The following CADM2 variants were observed in gnomAD, a reference collection of about 807,000 sequenced individuals.
CADM2 encodes the protein cell adhesion molecule 2.
CADM2 carries 12 observed loss-of-function variants against 49.8 expected under a neutral mutation model. The observed-to-expected ratio is 0.24, with a 90% CI of 0.15 to 0.39. The LOEUF (loss-of-function observed/expected upper bound fraction) is 0.39. CADM2 is among the 10% of genes least tolerant of loss of function. The pLI, the probability that CADM2 is intolerant of heterozygous loss-of-function variation, is 1.00. For synonymous variants in CADM2, 214 were observed against 175.4 expected (o/e 1.22, Z -1.74); for missense variants, 378 against 492.3 (o/e 0.77, Z 2.20).
intron 1 of CADM2, among the ~76,000 whole-genome samples, chr3:85,078,167 A>AT (rs2037020555): frequency 6.6e-6 from 1 of 151,900 alleles, no homozygotes; most frequent in South Asian, 2.1e-4. Flanking sequence ...AACTCTAAGA[A>AT]TTTTTGCATT....
chr3:85,472,487 G>A (rs1485269883), intron 1 of CADM2, among the ~76,000 whole-genome samples: 1 of 151,872 alleles, frequency 6.6e-6, no homozygotes, highest in Non-Finnish European at 1.5e-5. Flanking sequence ...TCTACTCTGT[G>A]TTCTCATATA....
chr3:85,648,397 C>T (rs1203959144), intron 1 of CADM2, among the ~76,000 whole-genome samples: 1 of 151,736 alleles, frequency 6.6e-6, no homozygotes, highest in Non-Finnish European at 1.5e-5. Flanking sequence ...TTAATTTGTT[C>T]TTGAAGGTTT....
At chr3:85,229,416 G>A (rs551946400) in intron 1 of CADM2, among the ~76,000 whole-genome samples, 4 of 152,286 alleles carry the variant, frequency 2.6e-5, no homozygotes, top group South Asian at 2.1e-4. Flanking sequence ...CTTCCTGGGT[G>A]AGGTGACAGC....
chr3:85,165,591 A>C (rs570359495), intron 1 of CADM2, among the ~76,000 whole-genome samples: 9 of 151,900 alleles, frequency 5.9e-5, no homozygotes, highest in Non-Finnish European at 8.8e-5. Context: ...AAATGGAAAT[A>C]GTAGAGGATC....
intron 1 of CADM2, among the ~76,000 whole-genome samples, chr3:85,610,364 C>A (rs961915186): frequency 4.0e-5 from 6 of 151,694 alleles, no homozygotes; most frequent in African/African-American, 1.5e-4. Flanking sequence ...AAAAATTATT[C>A]TTTTAAACAA....
chr3:85,011,067 T>A (rs1157532555), intron 1 of CADM2, among the ~76,000 whole-genome samples: 1 of 151,832 alleles, frequency 6.6e-6, no homozygotes, highest in Non-Finnish European at 1.5e-5. Flanking sequence ...GGTTTCACCG[T>A]GTTAGCCAGG....
At chr3:85,474,639 A>G (rs545843959) in intron 1 of CADM2, among the ~76,000 whole-genome samples, 1 of 152,062 alleles carries the variant, frequency 6.6e-6, no homozygotes, top group African/African-American at 2.4e-5. Context: ...TGTTTGAAAC[A>G]TGATTTATAT....
intron 7 of CADM2, among the ~76,000 whole-genome samples, chr3:85,958,242 A>G (rs903308422): frequency 3.9e-5 from 6 of 152,110 alleles, no homozygotes; most frequent in African/African-American, 1.2e-4. Flanking sequence ...CAAAACCACA[A>G]TGAGGTACCA....
At chr3:85,984,249 C>T (rs1390568248) in intron 8 of CADM2, among the ~76,000 whole-genome samples, 4 of 150,448 alleles carry the variant, frequency 2.7e-5, no homozygotes, top group Non-Finnish European at 5.9e-5. Context: ...TTTTAATTAA[C>T]TTAATATAGT....
intron 1 of CADM2, among the ~76,000 whole-genome samples, chr3:85,120,771 A>G (rs946971763): frequency 6.6e-6 from 1 of 152,100 alleles, no homozygotes; most frequent in African/African-American, 2.4e-5. Flanking sequence ...GCACGTGTAT[A>G]CCTATGTAAC....
At chr3:85,359,666 A>ATTTTTTTTTTT (rs869151718) in intron 1 of CADM2, among the ~76,000 whole-genome samples, 6 of 26,554 alleles carry the variant, frequency 2.3e-4, no homozygotes, top group Non-Finnish European at 4.9e-4. Flanking sequence ...ATATATATAT[A>ATTTTTTTTTTT]TTTTTTTTTT....
At chr3:85,897,608 G>A (rs1459202345) in intron 5 of CADM2, among the ~76,000 whole-genome samples, 2 of 151,816 alleles carry the variant, frequency 1.3e-5, no homozygotes, top group South Asian at 2.1e-4. Flanking sequence ...CATATAACTC[G>A]ATTTTTTTAT....
At chr3:85,991,030 G>A (rs1728715241) in intron 8 of CADM2, among the ~76,000 whole-genome samples, 1 of 152,168 alleles carries the variant, frequency 6.6e-6, no homozygotes, top group Admixed American at 6.6e-5. Flanking sequence ...TCTATCACCA[G>A]AGATGGGAGA....
intron 1 of CADM2, among the ~76,000 whole-genome samples, chr3:84,972,675 T>A (rs938278376): frequency 9.8e-5 from 15 of 152,342 alleles, no homozygotes; most frequent in African/African-American, 3.4e-4. Flanking sequence ...TTAAAAATTT[T>A]CTGTGGTCAT....
intron 1 of CADM2, among the ~76,000 whole-genome samples, chr3:85,618,249 A>G (rs1232906080): frequency 6.6e-6 from 1 of 152,110 alleles, no homozygotes; most frequent in Admixed American, 6.6e-5. Flanking sequence ...CAGAATTACT[A>G]ATCAGAGGTA....
chr3:85,744,598 T>C (rs893080779), intron 2 of CADM2, among the ~76,000 whole-genome samples: 2 of 152,118 alleles, frequency 1.3e-5, no homozygotes, highest in Non-Finnish European at 2.9e-5. Flanking sequence ...AGACGATGTT[T>C]GGACAGAATG....
At chr3:85,902,938 G>A (rs1716315342) in intron 5 of CADM2, among the ~76,000 whole-genome samples, 1 of 151,710 alleles carries the variant, frequency 6.6e-6, no homozygotes, top group African/African-American at 2.4e-5. Context: ...TTCATATAGT[G>A]TTATGTCTTT....
chr3:86,033,505 G>A (rs1215879111), intron 8 of CADM2, among the ~76,000 whole-genome samples: 1 of 151,402 alleles, frequency 6.6e-6, no homozygotes, highest in Non-Finnish European at 1.5e-5. Flanking sequence ...CATAGGTGTG[G>A]GGAGTTTTAT....
intron 1 of CADM2, among the ~76,000 whole-genome samples, chr3:85,335,428 TTA>T (rs1370044218): frequency 6.6e-6 from 1 of 151,676 alleles, no homozygotes; most frequent in Admixed American, 6.6e-5. Flanking sequence ...TTTTTTGTAT[TTA>T]TGTTTAATTG....
Sources: gnomAD v4.1 joint callset for allele counts (sites outside exome capture counted in the v4.1 genomes callset) on GRCh38, gnomAD v4.1.1 for gene constraint, MANE v1.5 for transcripts, NCBI Gene and HGNC (gene_info 2026-07-23, HGNC 2026-07-21) for gene names.